APBB2: variants seen among roughly 807,000 people sequenced by gnomAD.
APBB2 encodes the protein Fe65-like 1.
APBB2 carries 38 observed loss-of-function variants against 82.5 expected under a neutral mutation model. The ratio of observed to expected loss-of-function variants is 0.46; its 90% CI spans 0.36 to 0.60. APBB2 has a LOEUF of 0.60. Among genes scored for constraint, APBB2 ranks in the 20% least tolerant of loss-of-function variants. APBB2 has a pLI of 0.00. For synonymous variants in APBB2, 341 were observed against 368.2 expected (o/e 0.93, Z 0.85); for missense variants, 772 against 972.3 (o/e 0.79, Z 2.74).
rs1403110398 is a variant in APBB2, at chr4:40,964,651, A to G, written c.836-19578T>C. Among the ~76,000 whole-genome samples, 3 of 151,994 alleles carry G rather than the reference A, an allele frequency of 2.0e-5. 1 individual carries two copies. The highest frequency in any genetic ancestry group is 7.2e-5 in the African/African-American group (3 of 41,466). On this transcript the variant is annotated intron_variant, in intron 6 of 17. Coordinates refer to ENST00000508593, the MANE Select transcript of APBB2 (RefSeq NM_004307.2). ...AGGTAAAATGTGTTGGATTCACAGA[A>G]TGGAGCACCATCCAGCCACTGGAAA...
In APBB2 at chr4:41,115,749, T is replaced by C. The variant is rs1286998026; in HGVS notation, c.-260-14999A>G. On this transcript the variant is annotated intron_variant, in intron 2 of 17. Transcript: ENST00000508593. Reference sequence around the variant, plus strand: ...TCACTGGTCATTACAGAAATGCAAATCAAAACCACAATGAGATACCATCTC... The same window carrying C: ...TCACTGGTCATTACAGAAATGCAAACCAAAACCACAATGAGATACCATCTC... 4.6e-5 allele frequency among the ~76,000 whole-genome samples: 7 copies of C among 152,166 alleles called. No homozygotes were observed. In the East Asian group the frequency reaches 1.4e-3, roughly 29 times the overall value.
At chr4:40,985,215 C>T (rs1430150626) in intron 6 of APBB2, among the ~76,000 whole-genome samples, 1 of 151,952 alleles carries the variant, frequency 6.6e-6, no homozygotes, top group Non-Finnish European at 1.5e-5. Context: ...TGTCCAGCCC[C>T]AGATGACTTT....
At chr4:40,892,641 C>T (rs1037934473) in intron 11 of APBB2, 4 of 152,228 alleles carry the variant, frequency 2.6e-5, no homozygotes, top group Non-Finnish European at 5.9e-5. Context: ...TCAGAGCACA[C>T]CAGGAATACA....
At chr4:40,885,780 G>A (rs770349941) in intron 12 of APBB2, among the ~76,000 whole-genome samples, 9 of 152,204 alleles carry the variant, frequency 5.9e-5, no homozygotes, top group Non-Finnish European at 1.0e-4. Flanking sequence ...TTCCTGAAGT[G>A]TGTTCCATGT....
intron 6 of APBB2, among the ~76,000 whole-genome samples, chr4:41,009,481 C>T (rs2154427029): frequency 1.3e-5 from 2 of 152,132 alleles, no homozygotes; most frequent in East Asian, 1.9e-4. Flanking sequence ...CTGGAGGGGG[C>T]GATTCAGTAG....
At chr4:41,174,793 T>C (rs1367764628) in intron 1 of APBB2, among the ~76,000 whole-genome samples, 1 of 152,176 alleles carries the variant, frequency 6.6e-6, no homozygotes, top group Non-Finnish European at 1.5e-5. Flanking sequence ...TACGAAAGTA[T>C]TAAAATCAGG....
At chr4:41,042,891 T>C (rs531033535) in intron 4 of APBB2, among the ~76,000 whole-genome samples, 1 of 152,312 alleles carries the variant, frequency 6.6e-6, no homozygotes, top group African/African-American at 2.4e-5. Context: ...GCATTAATTG[T>C]GGCAATACAC....
At chr4:41,112,239 C>T (rs748881848) in intron 2 of APBB2, among the ~76,000 whole-genome samples, 6 of 152,192 alleles carry the variant, frequency 3.9e-5, no homozygotes, top group African/African-American at 2.4e-5. Flanking sequence ...CCAAAGCACC[C>T]GACCTCTCTT....
At chr4:41,050,003 C>T (rs1725354222) in intron 4 of APBB2, among the ~76,000 whole-genome samples, 2 of 152,108 alleles carry the variant, frequency 1.3e-5, no homozygotes, top group African/African-American at 4.8e-5. Context: ...GGTCCTCTGC[C>T]TAGGAAAACC....
chr4:40,868,267 G>C (rs755511405), intron 12 of APBB2, among the ~76,000 whole-genome samples: 1 of 152,176 alleles, frequency 6.6e-6, no homozygotes, highest in Non-Finnish European at 1.5e-5. Context: ...AACCACTGAG[G>C]CTGGGGCAAA....
chr4:41,116,839 T>C (rs1004062866), intron 2 of APBB2, among the ~76,000 whole-genome samples: 6 of 152,188 alleles, frequency 3.9e-5, no homozygotes, highest in African/African-American at 1.4e-4. Flanking sequence ...TTTATGGCCT[T>C]ACACCTTTCT....
intron 1 of APBB2, among the ~76,000 whole-genome samples, chr4:41,169,002 T>C (rs1447485523): frequency 6.6e-6 from 1 of 151,410 alleles, no homozygotes; most frequent in African/African-American, 2.4e-5. Context: ...CTGGCCAAGG[T>C]AGTGAGACCC....
intron 3 of APBB2, among the ~76,000 whole-genome samples, chr4:41,082,102 C>T (rs1023674321): frequency 4.6e-5 from 7 of 152,266 alleles, no homozygotes; most frequent in South Asian, 2.1e-4. Context: ...ACAGGACACA[C>T]GTTTAGACTT....
chr4:40,947,330 G>C (rs1788725775), intron 6 of APBB2, among the ~76,000 whole-genome samples: 1 of 152,182 alleles, frequency 6.6e-6, no homozygotes, highest in Admixed American at 6.5e-5. Flanking sequence ...CCATTTCTGT[G>C]GTTTATGAGG....
chr4:40,907,879 G>C (rs924314661), intron 10 of APBB2, among the ~76,000 whole-genome samples: 2 of 151,678 alleles, frequency 1.3e-5, no homozygotes, highest in Non-Finnish European at 2.9e-5. Context: ...ATGTTGCCCA[G>C]GCTGGTCTGG....
intron 10 of APBB2, among the ~76,000 whole-genome samples, chr4:40,930,446 TGTGCGCGCGCGCGCGCGC>T (rs1425066286): frequency 1.2e-5 from 1 of 81,382 alleles, no homozygotes; most frequent in African/African-American, 6.1e-5. Flanking sequence ...TGTGTGTGTG[TGTGCGCGCGCGCGCGCGC>T]GCGTGCGCGT....
chr4:40,934,154 G>A (rs1208611062), intron 10 of APBB2, among the ~76,000 whole-genome samples: 1 of 152,284 alleles, frequency 6.6e-6, no homozygotes, highest in Admixed American at 6.5e-5. Context: ...GCAGAGCCTG[G>A]TGTATCTTTA....
intron 1 of APBB2, among the ~76,000 whole-genome samples, chr4:41,152,620 G>A (rs62409969): frequency 0.038 from 5,782 of 152,196 alleles, 211 homozygotes; most frequent in African/African-American, 0.096. Flanking sequence ...GAGCCACCGC[G>A]CCCGGCCTTC....
At chr4:41,034,472 G>A (rs772893253) in intron 4 of APBB2, among the ~76,000 whole-genome samples, 2 of 152,098 alleles carry the variant, frequency 1.3e-5, no homozygotes, top group Non-Finnish European at 2.9e-5. Flanking sequence ...TTACAGGCGC[G>A]CATCACCACG....
Sources: allele counts gnomAD v4.1 joint callset (sites outside exome capture counted in the v4.1 genomes callset), GRCh38; gene constraint gnomAD v4.1.1; transcripts MANE v1.5; gene names NCBI Gene and HGNC (gene_info 2026-07-23, HGNC 2026-07-21).